The following SHISAL2A variants were observed in gnomAD, a reference collection of about 807,000 sequenced individuals.
SHISAL2A encodes the protein protein shisa-like-2A.
A neutral mutation model predicts 11.5 loss-of-function variants in SHISAL2A; 18 were observed. The ratio of observed to expected loss-of-function variants is 1.57; its 90% CI spans 1.08 to 2.33. The LOEUF is 2.33. SHISAL2A is among the 30% of genes most tolerant of loss of function. The pLI is 0.00. For missense variants in SHISAL2A, 261 were observed against 250.9 expected, an observed-to-expected ratio of 1.04 and a Z score of -0.27; for synonymous variants, 94 against 99.6, an observed-to-expected ratio of 0.94 and a Z score of 0.34.
intron 2 of SHISAL2A, among the ~76,000 whole-genome samples, chr1:52,646,200 A>G (rs911683191): frequency 2.0e-5 from 3 of 152,216 alleles, no homozygotes; most frequent in Admixed American, 6.5e-5. Context: ...AGCCTACAAT[A>G]AAGAGGACAG....
exon 6 of SHISAL2A, chr1:52,668,629 T>C (rs1206932453): frequency 3.3e-5 from 5 of 152,234 alleles, no homozygotes; most frequent in Admixed American, 6.5e-5. Context: ...AATGAGTGTA[T>C]GGAGCAAAGG....
chr1:52,648,777 C>T (rs1691561215), intron 2 of SHISAL2A, among the ~76,000 whole-genome samples: 1 of 152,126 alleles, frequency 6.6e-6, no homozygotes, highest in Non-Finnish European at 1.5e-5. Flanking sequence ...TTTCCATCCT[C>T]CTAGAGCAGG....
At chr1:52,640,725 T>G (rs932120827) in intron 1 of SHISAL2A, among the ~76,000 whole-genome samples, 1 of 152,182 alleles carries the variant, frequency 6.6e-6, no homozygotes, top group Non-Finnish European at 1.5e-5. Flanking sequence ...GTTCTAAAAT[T>G]TGGTCTCTGA....
intron 2 of SHISAL2A, among the ~76,000 whole-genome samples, chr1:52,652,965 C>CAAAAAAAAAAAAAAAAA (rs36154490): frequency 4.5e-5 from 1 of 22,370 alleles, no homozygotes; most frequent in African/African-American, 2.2e-4. Context: ...GACTCTGTCT[C>CAAAAAAAAAAAAAAAAA]AAAAAAAAAA....
chr1:52,642,794 C>A, intron 1 of SHISAL2A, 69 bp from the exon 2 acceptor site: 1 of 1,493,672 alleles, frequency 6.7e-7, no homozygotes, highest in Non-Finnish European at 9.3e-7. Context: ...CTAGCTACAA[C>A]ACTTTTATAA....
intron 2 of SHISAL2A, among the ~76,000 whole-genome samples, chr1:52,649,790 A>G (rs1462359195): frequency 1.3e-5 from 2 of 152,202 alleles, no homozygotes; most frequent in Non-Finnish European, 2.9e-5. Flanking sequence ...GGTGATATCT[A>G]GGTACATTTA....
chr1:52,637,854 T>TA (rs1403526738), intron 1 of SHISAL2A, among the ~76,000 whole-genome samples: 1 of 152,196 alleles, frequency 6.6e-6, no homozygotes, highest in Non-Finnish European at 1.5e-5. Flanking sequence ...AGTGGGTTTT[T>TA]ATCTTTCAGA....
rs1691168802 is a variant in SHISAL2A, at chr1:52,633,382, G to C, written c.-112G>C. On this transcript the variant is annotated 5_prime_UTR_variant, in exon 1 of 3. Transcript: ENST00000517870. The surrounding 1 kb of genome is among the most constrained non-coding windows in gnomAD (Gnocchi z 6.4). Reference sequence around the variant, plus strand: ...CTTCTCTCGGCCCCTGGGTCTCTTCGTCTCTGCCGTTCTCAGGCTCAGCTC... The same window carrying C: ...CTTCTCTCGGCCCCTGGGTCTCTTCCTCTCTGCCGTTCTCAGGCTCAGCTC... 3 of 990,206 alleles carry C rather than the reference G, an allele frequency of 3.0e-6. No individual in the cohort carries two copies. The East Asian group carries it at 9.7e-5, about 32-fold the overall frequency. 61.3% of individuals were successfully genotyped at this position (990,206 alleles called of 1,614,324 possible). A position where few individuals can be genotyped will look rare whatever the true frequency, so the allele number is the denominator to read the frequency against.
At chr1:52,658,222 T>C (rs1428548772), downstream of SHISAL2A, among the ~76,000 whole-genome samples, 3 of 152,148 alleles carry the variant, frequency 2.0e-5, no homozygotes, top group Non-Finnish European at 2.9e-5. Flanking sequence ...GTATTTTTAG[T>C]GGAGACGGGG....
At chr1:52,659,373 A>G (rs1691862057), downstream of SHISAL2A, 1 of 153,130 alleles carries the variant, frequency 6.5e-6, no homozygotes, top group Non-Finnish European at 1.5e-5. Flanking sequence ...CATTTACTGC[A>G]CACTTAGTGG....
At chr1:52,656,262 G>A (rs1691788608) in intron 2 of SHISAL2A, among the ~76,000 whole-genome samples, 1 of 152,222 alleles carries the variant, frequency 6.6e-6, no homozygotes, top group Non-Finnish European at 1.5e-5. Flanking sequence ...TGAAGGTATA[G>A]TGGGGGCAGA....
At chr1:52,644,218 C>G (rs1691440228) in intron 2 of SHISAL2A, among the ~76,000 whole-genome samples, 1 of 150,150 alleles carries the variant, frequency 6.7e-6, no homozygotes, top group Non-Finnish European at 1.5e-5. Flanking sequence ...AGATTTCAAA[C>G]AGGGAAGGAT....
rs776289424 is a variant in SHISAL2A, at chr1:52,664,160, TTTTA to T, written n.696-3227_696-3224del. On this transcript the variant is annotated intron_variant and non_coding_transcript_variant, in intron 4 of 5. Transcript: ENST00000401050. ...GAATTTGTCCTGCAAGACCAGCCCA[TTTTA>T]TTTATTTATTTTTTAATTTTAATTT... is the stretch of plus-strand genomic sequence containing the variant. 4.2e-4 allele frequency among the ~76,000 whole-genome samples: 64 copies of T among 151,620 alleles called. No homozygotes were observed. In the East Asian group the frequency reaches 9.5e-3, roughly 22 times the overall value.
At chr1:52,637,224 A>G (rs575643689) in intron 1 of SHISAL2A, among the ~76,000 whole-genome samples, 1 of 152,308 alleles carries the variant, frequency 6.6e-6, no homozygotes, top group South Asian at 2.1e-4. Flanking sequence ...TGATTCATAA[A>G]TACCACAGAC....
At chr1:52,655,589 G>A (rs1401334330) in intron 2 of SHISAL2A, among the ~76,000 whole-genome samples, 1 of 151,938 alleles carries the variant, frequency 6.6e-6, no homozygotes, top group Non-Finnish European at 1.5e-5. Flanking sequence ...TCAAGCCACT[G>A]CACTCCAGTC....
intron 2 of SHISAL2A, among the ~76,000 whole-genome samples, chr1:52,655,512 G>A (rs1691772597): frequency 6.8e-6 from 1 of 146,740 alleles, no homozygotes; most frequent in South Asian, 2.2e-4. Context: ...TATAGACCTA[G>A]CTACTCAGGA....
chr1:52,650,474 A>G (rs1011254639), intron 2 of SHISAL2A, among the ~76,000 whole-genome samples: 1 of 152,154 alleles, frequency 6.6e-6, no homozygotes, highest in African/African-American at 2.4e-5. Flanking sequence ...CCTCATAGCT[A>G]CTAAGAAAGT....
intron 2 of SHISAL2A, among the ~76,000 whole-genome samples, chr1:52,646,137 G>A (rs1194152245): frequency 2.0e-5 from 3 of 152,128 alleles, no homozygotes; most frequent in Non-Finnish European, 2.9e-5. Context: ...TGTCACATTC[G>A]GGGAAGGGAT....
intron 2 of SHISAL2A, among the ~76,000 whole-genome samples, chr1:52,644,646 C>T (rs1330659332): frequency 1.3e-5 from 2 of 151,908 alleles, no homozygotes; most frequent in Non-Finnish European, 2.9e-5. Context: ...ATCGCTTGAA[C>T]CCGGGAGGCG....
Sources: allele counts gnomAD v4.1 joint callset (sites outside exome capture counted in the v4.1 genomes callset), GRCh38; gene constraint gnomAD v4.1.1; non-coding constraint Gnocchi (gnomAD v3.1); transcripts MANE v1.5; gene names NCBI Gene and HGNC (gene_info 2026-07-23, HGNC 2026-07-21).